The following GORASP2 variants were observed in gnomAD, a reference collection of about 807,000 sequenced individuals.
GORASP2 encodes Golgi reassembly-stacking protein 2.
GORASP2 carries 22 observed loss-of-function variants against 45.7 expected under a neutral mutation model. The observed-to-expected ratio is 0.48, with a 90% CI of 0.34 to 0.69. The LOEUF is 0.69. Ranked by LOEUF, GORASP2 falls within the 30% of genes least tolerant of loss-of-function variation. The pLI is 0.01. For missense variants in GORASP2, 491 were observed against 562.7 expected (o/e 0.87, Z 1.29); for synonymous variants, 221 against 215.6 (o/e 1.02, Z -0.22).
intron 9 of GORASP2, 107 bp downstream of exon 9, chr2:170,963,053 T>G: frequency 1.4e-6 from 1 of 716,610 alleles, no homozygotes. Context: ...GTTTAACAGA[T>G]TTCAGCTACT....
chr2:170,929,577 C>T (rs1383471330), intron 1 of GORASP2, 174 bp downstream of exon 1: 5 of 593,852 alleles, frequency 8.4e-6, no homozygotes, highest in South Asian at 2.1e-5. Context: ...TCGCATCCCA[C>T]CTCCGCGGAG....
At chr2:170,935,725 C>T (rs1374735965) in intron 1 of GORASP2, among the ~76,000 whole-genome samples, 6 of 152,008 alleles carry the variant, frequency 3.9e-5, no homozygotes, top group Non-Finnish European at 1.5e-5. Flanking sequence ...CAGGCACACA[C>T]CACCATGCCC....
chr2:170,936,521 TA>T (rs1243017431), intron 1 of GORASP2: 64 of 594,752 alleles, frequency 1.1e-4, no homozygotes, highest in Non-Finnish European at 1.5e-4. Flanking sequence ...CACCTAGTCC[TA>T]AGTAGTTACT....
intron 7 of GORASP2, among the ~76,000 whole-genome samples, chr2:170,960,463 T>A (rs973885144): frequency 1.3e-5 from 2 of 152,354 alleles, no homozygotes; most frequent in Non-Finnish European, 2.9e-5. Flanking sequence ...GGCTTAGATT[T>A]AGTCAGTTAT....
intron 1 of GORASP2, among the ~76,000 whole-genome samples, chr2:170,934,506 C>T (rs1036573751): frequency 6.6e-6 from 1 of 152,010 alleles, no homozygotes; most frequent in African/African-American, 2.4e-5. Context: ...GTGATCCACC[C>T]GCCTCCACCT....
intron 9 of GORASP2, among the ~76,000 whole-genome samples, 192 bp downstream of exon 9, chr2:170,963,138 C>T (rs1415203396): frequency 1.3e-5 from 2 of 151,956 alleles, no homozygotes; most frequent in African/African-American, 2.4e-5. Context: ...TTTGGGAGGC[C>T]GAAGTGGGTG....
At chr2:170,929,038 G>A (rs1033381557), upstream of GORASP2, 3 of 324,958 alleles carry the variant, frequency 9.2e-6, no homozygotes, top group African/African-American at 2.1e-5. Context: ...TGGGGGAAGC[G>A]CATTTCTGTT....
intron 1 of GORASP2, among the ~76,000 whole-genome samples, chr2:170,947,878 T>A (rs1704213414): frequency 6.6e-6 from 1 of 152,162 alleles, no homozygotes; most frequent in African/African-American, 2.4e-5. Flanking sequence ...CCCAGCACTT[T>A]GGGAGGTTGA....
intron 1 of GORASP2, among the ~76,000 whole-genome samples, chr2:170,934,320 G>A (rs760928792): frequency 3.3e-5 from 5 of 151,134 alleles, no homozygotes; most frequent in Non-Finnish European, 7.4e-5. Context: ...TTGTTGCCCA[G>A]GCTGGAGTAC....
chr2:170,935,117 A>G (rs938088878), intron 1 of GORASP2, among the ~76,000 whole-genome samples: 1 of 152,252 alleles, frequency 6.6e-6, no homozygotes, highest in Non-Finnish European at 1.5e-5. Flanking sequence ...TGTAGGAATC[A>G]GGATGTCTCA....
At chr2:170,932,427 G>GTACCTCC (rs1335719262) in intron 1 of GORASP2, among the ~76,000 whole-genome samples, 12 of 152,158 alleles carry the variant, frequency 7.9e-5, no homozygotes, top group Admixed American at 3.3e-4. Context: ...TGGTTAAGGA[G>GTACCTCC]TACCTCCTGG....
Position 170,960,057 on chromosome 2 carries a change from G to A in GORASP2, c.824-1606G>A, listed in dbSNP as rs150062341. Among the ~76,000 whole-genome samples, 1,029 of 152,150 alleles carry A rather than the reference G, an allele frequency of 6.8e-3. 10 individuals carry two copies. Among genetic ancestry groups the A allele is most frequent in the Middle Eastern group, 0.014 (4 of 294 alleles). On this transcript the variant is annotated intron_variant, in intron 7 of 9. Coordinates refer to ENST00000234160, the MANE Select transcript of GORASP2 (RefSeq NM_015530.5). The stretch of plus-strand genomic sequence containing the variant: ...GCTGGTCTTGAACCCCTGACCTCAG[G>A]TGATCCACCTACCTCAGCTTCCCAA...
Position 170,965,838 on chromosome 2 carries a change from C to T in GORASP2, c.1067C>T (p.Ala356Val). The change falls in exon 10 of 10, where the codon GCA (alanine) becomes GTA (valine). Residue 356 changes from alanine (A) to valine (V), a missense_variant. Ala to Val is a moderately conservative substitution (Grantham distance 64). Coordinates refer to ENST00000234160, the MANE Select transcript of GORASP2 (RefSeq NM_015530.5). ...SMPPRNLPGIAPLPLPSEFLP... is the reference protein window; with the variant it reads ...SMPPRNLPGIVPLPLPSEFLP... ...CCTCCCCGAAACTTACCTGGCATTG[C>T]ACCTCTCCCCCTGCCATCCGAGTTC... The T allele has an allele frequency of 6.2e-7, 1 of 1,614,064 alleles. No individual in the cohort carries two copies. Among genetic ancestry groups the T allele is most frequent in the African/African-American group, 1.3e-5 (1 of 75,032 alleles).
Position 170,929,395 on chromosome 2 carries a change from G to A in GORASP2, c.55G>A (p.Val19Ile), listed in dbSNP as rs768870057. The A allele has an allele frequency of 1.8e-5, 25 of 1,417,722 alleles. No homozygotes were observed. The highest frequency in any genetic ancestry group is 2.3e-5 in the Non-Finnish European group (25 of 1,084,196). 87.8% of individuals were successfully genotyped at this position (1,417,722 alleles called of 1,614,324 possible). ...GGGCGGGGGCACCGAGGGCTACCAC[G>A]TTCTGCGGGTAAGGGCTCCGACGGC... ...IPGGGTEGYH[V>I]LRVQENSPGH... The change falls in exon 1 of 10, where the codon GTT becomes ATT. Residue 19 changes from valine to isoleucine, a missense_variant. Physicochemically the swap from Val to Ile is conservative, Grantham distance 29. Coordinates refer to ENST00000234160, the MANE Select transcript of GORASP2 (RefSeq NM_015530.5).
At chr2:170,930,911 CATG>C (rs749610214) in intron 1 of GORASP2, among the ~76,000 whole-genome samples, 2 of 146,348 alleles carry the variant, frequency 1.4e-5, no homozygotes, top group Non-Finnish European at 1.5e-5. Flanking sequence ...CTTGGGGATT[CATG>C]ATATTTTTAT....
chr2:170,963,434 T>C (rs995705818), intron 9 of GORASP2, among the ~76,000 whole-genome samples: 1 of 143,194 alleles, frequency 7.0e-6, no homozygotes, highest in African/African-American at 2.7e-5. Context: ...CCGCTGCTAC[T>C]GCTGCTGCTG....
At chr2:170,929,252 C>T (rs1278751778), upstream of GORASP2, 6 of 1,064,826 alleles carry the variant, frequency 5.6e-6, no homozygotes, top group Non-Finnish European at 7.4e-6. Flanking sequence ...TGCCACGTCC[C>T]AAGTGCTACG....
At chr2:170,944,097 G>A (rs1044737240) in intron 1 of GORASP2, among the ~76,000 whole-genome samples, 3 of 152,180 alleles carry the variant, frequency 2.0e-5, no homozygotes, top group African/African-American at 7.2e-5. Flanking sequence ...AAGATGACTT[G>A]AAGAAAGCGA....
chr2:170,937,891 C>A (rs142696890), intron 1 of GORASP2, among the ~76,000 whole-genome samples: 27 of 152,266 alleles, frequency 1.8e-4, no homozygotes, highest in African/African-American at 4.8e-4. Context: ...CATAGTCAAC[C>A]ACCAGAGACC....
Sources: allele counts gnomAD v4.1 joint callset (sites outside exome capture counted in the v4.1 genomes callset), GRCh38; gene constraint gnomAD v4.1.1; transcripts MANE v1.5; gene names NCBI Gene and HGNC (gene_info 2026-07-23, HGNC 2026-07-21).